Variants in MAP3K5 observed in about 807,000 individuals in gnomAD.
The protein encoded by MAP3K5 is ASK-1.
In MAP3K5, 56 loss-of-function variants were observed where a neutral mutation model predicts 158.7. That is an observed-to-expected ratio of 0.35 (90% CI 0.28 to 0.44). The LOEUF is 0.44. Among genes scored for constraint, MAP3K5 ranks in the 20% least tolerant of loss-of-function variants. The pLI, the probability that MAP3K5 is intolerant of heterozygous loss-of-function variation, is 1.00. For missense variants in MAP3K5, 1,294 were observed against 1,674.8 expected (o/e 0.77, Z 3.97); for synonymous variants, 579 against 601.7 (o/e 0.96, Z 0.55).
In MAP3K5 at chr6:136,580,332, C is replaced by T. The variant is rs750226804; in HGVS notation, c.3486G>A (p.Ala1162=). The T allele has an allele frequency of 2.0e-5, 33 of 1,613,346 alleles. No homozygotes were observed. Among genetic ancestry groups the T allele is most frequent in the East Asian group, 4.5e-5 (2 of 44,860 alleles). The stretch of plus-strand genomic sequence containing the variant: ...CCAGGATGGTAATGGCTGTCTGTAC[C>T]GCCTTCCGAATGATACTGTCTAAGG... ...MFALDSIIRK[A]VQTAITILVP... is the part of the protein sequence containing the mutation. Residue 1162 remains alanine (A), a synonymous_variant, in exon 25 of 30, where the codon GCG becomes GCA. Transcript: ENST00000359015.
chr6:136,642,030 A>AAAAATAAAATAAAAT (rs57982866), intron 12 of MAP3K5, among the ~76,000 whole-genome samples: 43 of 119,318 alleles, frequency 3.6e-4, no homozygotes, highest in East Asian at 8.0e-4. Flanking sequence ...AAAATAAAAT[A>AAAAATAAAATAAAAT]AAAATAAAAT....
At chr6:136,632,574 G>T (rs1777423614) in intron 14 of MAP3K5, among the ~76,000 whole-genome samples, 1 of 152,136 alleles carries the variant, frequency 6.6e-6, no homozygotes, top group Non-Finnish European at 1.5e-5. Flanking sequence ...GATTAAATCT[G>T]TATGAGAGAT....
intron 1 of MAP3K5, among the ~76,000 whole-genome samples, chr6:136,751,889 C>A (rs1469441018): frequency 1.3e-5 from 2 of 152,220 alleles, no homozygotes; most frequent in Admixed American, 1.3e-4. Flanking sequence ...CATAGGTGAA[C>A]TTTCAGTTTG....
chr6:136,561,337 T>C (rs1830503103), intron 28 of MAP3K5, among the ~76,000 whole-genome samples, 196 bp downstream of exon 28: 1 of 152,200 alleles, frequency 6.6e-6, no homozygotes, highest in South Asian at 2.1e-4. Flanking sequence ...CTTCATAGAA[T>C]TTACCAGTGT....
At chr6:136,704,236 G>A (rs1039545545) in intron 3 of MAP3K5, among the ~76,000 whole-genome samples, 2 of 151,918 alleles carry the variant, frequency 1.3e-5, no homozygotes, top group Admixed American at 6.6e-5. Context: ...ATACTATATT[G>A]AGCTAGCTAG....
At chr6:136,629,912 C>A (rs768793846) in intron 14 of MAP3K5, among the ~76,000 whole-genome samples, 1 of 151,814 alleles carries the variant, frequency 6.6e-6, no homozygotes, top group African/African-American at 2.4e-5. Context: ...CCACCATGCC[C>A]GGCTAATTTT....
intron 28 of MAP3K5, among the ~76,000 whole-genome samples, chr6:136,559,770 G>A (rs1830426788): frequency 6.6e-6 from 1 of 152,100 alleles, no homozygotes; most frequent in African/African-American, 2.4e-5. Context: ...GTGGCCTCAA[G>A]CAATCTGCCT....
At chr6:136,720,615 A>G (rs777340338) in intron 1 of MAP3K5, 26 bp from the exon 2 acceptor site, 3 of 1,590,314 alleles carry the variant, frequency 1.9e-6, no homozygotes, top group South Asian at 2.3e-5. Context: ...AAAGTCCCCC[A>G]AAGAATGACA....
At chr6:136,652,436 G>C (rs1332712577) in intron 10 of MAP3K5, among the ~76,000 whole-genome samples, 2 of 152,094 alleles carry the variant, frequency 1.3e-5, no homozygotes, top group African/African-American at 2.4e-5. Flanking sequence ...CTCACCCAGT[G>C]AATCAAAATC....
At chr6:136,628,233 T>C (rs905227464) in intron 14 of MAP3K5, among the ~76,000 whole-genome samples, 1 of 152,010 alleles carries the variant, frequency 6.6e-6, no homozygotes, top group African/African-American at 2.4e-5. Flanking sequence ...CACTTCAGCC[T>C]CCTCAACAGC....
At chr6:136,782,040 A>C (rs1465765973) in intron 1 of MAP3K5, among the ~76,000 whole-genome samples, 1 of 150,836 alleles carries the variant, frequency 6.6e-6, no homozygotes, top group Non-Finnish European at 1.5e-5. Context: ...ACAAGGCAAA[A>C]CCCTGTCTCT....
intron 1 of MAP3K5, among the ~76,000 whole-genome samples, chr6:136,724,242 A>T (rs1781861848): frequency 6.6e-6 from 1 of 151,310 alleles, no homozygotes; most frequent in South Asian, 2.1e-4. Flanking sequence ...TTAAGAGAGA[A>T]ACTGACTTTT....
intron 10 of MAP3K5, 138 bp from the exon 11 acceptor site, chr6:136,651,229 C>A: frequency 1.9e-6 from 1 of 528,656 alleles, no homozygotes; most frequent in East Asian, 3.2e-5. Context: ...ACCATTTCAA[C>A]TTCTGATTGC....
rs750471305 is a variant in MAP3K5 at position 136,720,455 on chromosome 6, G to A, written c.583C>T (p.Leu195=). 2.5e-6 allele frequency: 4 copies of A among 1,595,066 alleles called. No homozygotes were observed. The South Asian group carries it at 4.6e-5, about 18-fold the overall frequency. The change falls in exon 2 of 30, where the codon CTG becomes TTG. Residue 195 remains leucine, a synonymous_variant. Coordinates refer to ENST00000359015, the MANE Select transcript of MAP3K5 (RefSeq NM_005923.4). ...TCAGTAAACAAGGGAGGTACCTTCA[G>A]TGACTGCAGAGAGTCCGAGTTAGTA... ...CDTNSDSLQS[L]KEIICQKNTM...
intron 8 of MAP3K5, among the ~76,000 whole-genome samples, chr6:136,665,348 ATTT>A (rs11421136): frequency 7.0e-6 from 1 of 142,042 alleles, no homozygotes; most frequent in Non-Finnish European, 1.5e-5. Flanking sequence ...GAAGAGCTGT[ATTT>A]TTTTTTTTTT....
rs547138320 is a variant in MAP3K5, at chr6:136,727,446, C to T, written c.449-6857G>A. 2.0e-5 allele frequency among the ~76,000 whole-genome samples: 3 copies of T among 152,268 alleles called. No homozygotes were observed. In the South Asian group the frequency reaches 6.2e-4, roughly 32 times the overall value. On this transcript the variant is annotated intron_variant, in intron 1 of 29. Coordinates refer to ENST00000359015, the MANE Select transcript of MAP3K5 (RefSeq NM_005923.4). ...CACCAGAATTCAAACCCAAGCAATC[C>T]AGCTCTAGAGTCCAAGCTCTTTTAA... is the stretch of plus-strand genomic sequence containing the variant.
chr6:136,736,346 G>A (rs1392849645), intron 1 of MAP3K5, among the ~76,000 whole-genome samples: 1 of 152,160 alleles, frequency 6.6e-6, no homozygotes, highest in Non-Finnish European at 1.5e-5. Context: ...TAGTCAAAAT[G>A]TGCAATAGTT....
intron 13 of MAP3K5, among the ~76,000 whole-genome samples, chr6:136,637,738 G>A (rs574936388): frequency 1.3e-4 from 19 of 151,896 alleles, no homozygotes; most frequent in African/African-American, 4.1e-4. Flanking sequence ...CATCCTGCTC[G>A]CTGTGACTAG....
chr6:136,618,662 C>A (rs998936838), intron 15 of MAP3K5, among the ~76,000 whole-genome samples: 18 of 152,206 alleles, frequency 1.2e-4, no homozygotes, highest in Non-Finnish European at 1.9e-4. Context: ...ACTATCTATA[C>A]ATATGCTCCT....
Sources: gnomAD v4.1 joint callset for allele counts (sites outside exome capture counted in the v4.1 genomes callset) on GRCh38, gnomAD v4.1.1 for gene constraint, MANE v1.5 for transcripts, NCBI Gene and HGNC (gene_info 2026-07-23, HGNC 2026-07-21) for gene names.